Variants in GPX6 observed in about 807,000 individuals in gnomAD.
GPX6 encodes glutathione peroxidase 6 (olfactory).
GPX6 carries 21 observed loss-of-function variants against 20.0 expected under a neutral mutation model. That is an observed-to-expected ratio of 1.05 (90% CI 0.74 to 1.51). GPX6 has a LOEUF of 1.51. GPX6 is among the 40% of genes most tolerant of loss of function. GPX6 has a pLI of 0.00. For synonymous variants in GPX6, 75 were observed against 98.0 expected (o/e 0.77, Z 1.38); for missense variants, 233 against 254.7 (o/e 0.91, Z 0.58).
chr6:28,503,783 A>C lies in GPX6; in HGVS notation c.*509T>G, dbSNP rs35921765. The C allele has an allele frequency of 0.13, 19,487 of 153,684 alleles. 1,607 individuals carry two copies. The highest frequency in any genetic ancestry group is 0.42 in the East Asian group (2,182 of 5,164). The allele number at this position is 153,684 out of a possible 1,614,324, so 9.5% of individuals were successfully genotyped here. ...AGAATTAAGGAGAAAAGAGTTTAACAATGCATGCCTATCTTAGAGGAGAGA... is the reference window on the plus strand; with the variant it reads ...AGAATTAAGGAGAAAAGAGTTTAACCATGCATGCCTATCTTAGAGGAGAGA... On this transcript the variant is annotated 3_prime_UTR_variant, in exon 5 of 5. Coordinates refer to ENST00000361902, the MANE Select transcript of GPX6 (RefSeq NM_182701.1).
At position 28,506,292 on chromosome 6, in the gene GPX6, G is replaced by A; in HGVS notation, c.359+20C>T. 3 of 1,404,780 alleles carry A rather than the reference G, an allele frequency of 2.1e-6. No homozygotes were observed. Among genetic ancestry groups the A allele is most frequent in the Non-Finnish European group, 3.0e-6 (3 of 988,872 alleles). 87.0% of individuals were successfully genotyped at this position (1,404,780 alleles called of 1,614,324 possible). ...GGAAATCCCGACAGGGCATCTGCAGGGTCCCATGCAAGCACTCACTTGAGA... is the reference window on the plus strand; with the variant it reads ...GGAAATCCCGACAGGGCATCTGCAGAGTCCCATGCAAGCACTCACTTGAGA... On this transcript the variant is annotated intron_variant, in intron 3 of 4. Transcript: ENST00000361902.
In GPX6 at chr6:28,505,913, T is replaced by A. The variant is rs1054930012; in HGVS notation, c.360-111A>T. On this transcript the variant is annotated intron_variant, in intron 3 of 4. Coordinates refer to ENST00000361902, the MANE Select transcript of GPX6 (RefSeq NM_182701.1). ...GAAATTCAAGATAAAGGGAAGAGGC[T>A]GTGCACAGGGAAGATAAGAAAAGAT... 1.2e-5 allele frequency: 10 copies of A among 803,164 alleles called. No homozygotes were observed. In the Admixed American group the frequency reaches 1.4e-4, roughly 11 times the overall value. 49.8% of individuals were successfully genotyped at this position (803,164 alleles called of 1,614,324 possible). A position where few individuals can be genotyped will look rare whatever the true frequency, so the allele number is the denominator to read the frequency against.
intron 1 of GPX6, among the ~76,000 whole-genome samples, chr6:28,514,104 C>G (rs1384733192): frequency 1.3e-5 from 2 of 152,226 alleles, no homozygotes; most frequent in Admixed American, 1.3e-4. Context: ...TAAATAATTT[C>G]CAGCATTTGT....
intron 2 of GPX6, among the ~76,000 whole-genome samples, chr6:28,508,266 A>T (rs1488432294): frequency 1.3e-5 from 2 of 152,218 alleles, no homozygotes; most frequent in Non-Finnish European, 2.9e-5. Context: ...TATTTTTCAA[A>T]TTTAACTTTT....
At chr6:28,511,810 G>A (rs565432105) in intron 1 of GPX6, among the ~76,000 whole-genome samples, 39 of 152,372 alleles carry the variant, frequency 2.6e-4, no homozygotes, top group African/African-American at 8.4e-4. Flanking sequence ...GGCCGGAGCC[G>A]GCCCCCTCAG....
At chr6:28,509,734 C>G (rs1161095211) in intron 2 of GPX6, among the ~76,000 whole-genome samples, 1 of 152,204 alleles carries the variant, frequency 6.6e-6, no homozygotes, top group Non-Finnish European at 1.5e-5. Flanking sequence ...ATGCAAAACT[C>G]TTCTCCAATA....
intron 2 of GPX6, among the ~76,000 whole-genome samples, chr6:28,508,163 T>G (rs1762825349): frequency 6.6e-6 from 1 of 152,224 alleles, no homozygotes; most frequent in South Asian, 2.1e-4. Flanking sequence ...GTAGCAAATT[T>G]AAGTTAAAAT....
At chr6:28,507,297 C>T (rs1037199132) in intron 2 of GPX6, among the ~76,000 whole-genome samples, 10 of 152,188 alleles carry the variant, frequency 6.6e-5, no homozygotes, top group African/African-American at 2.2e-4. Context: ...TAGAGAGTGC[C>T]TTCCTGTTTT....
At position 28,515,555 on chromosome 6, in the gene GPX6, C is replaced by G. The variant is rs1763010007; in HGVS notation, c.87+102G>C. On this transcript the variant is annotated intron_variant, in intron 1 of 4. Coordinates refer to ENST00000361902, the MANE Select transcript of GPX6 (RefSeq NM_182701.1). ...GTGAAGAAGGGCTGGGAATGCAGAT[C>G]TTGTCCTTCGAAAGGGGAGAGTAGA... 4.9e-6 allele frequency: 4 copies of G among 810,522 alleles called. No individual in the cohort carries two copies. In the Admixed American group the frequency reaches 8.0e-5, roughly 16 times the overall value. 50.2% of individuals were successfully genotyped at this position (810,522 alleles called of 1,614,324 possible).
intron 4 of GPX6, among the ~76,000 whole-genome samples, 188 bp from the exon 5 acceptor site, chr6:28,504,686 C>G (rs2113596804): frequency 6.6e-6 from 1 of 152,216 alleles, no homozygotes; most frequent in Non-Finnish European, 1.5e-5. Context: ...CACCAACTAC[C>G]AAATAACCGA....
At chr6:28,512,738 A>G (rs1762914802) in intron 1 of GPX6, among the ~76,000 whole-genome samples, 1 of 152,182 alleles carries the variant, frequency 6.6e-6, no homozygotes, top group African/African-American at 2.4e-5. Context: ...TACAAGCTGT[A>G]ACACTCACCG....
intron 1 of GPX6, among the ~76,000 whole-genome samples, chr6:28,513,051 CACACTGGAAGGCCATTG>C (rs1201405552): frequency 6.6e-6 from 1 of 152,206 alleles, no homozygotes; most frequent in African/African-American, 2.4e-5. Context: ...ACAGTAGGAG[CACACTGGAAGGCCATTG>C]ACAGCGGAAG....
At chr6:28,509,065 A>G (rs1395996435) in intron 2 of GPX6, among the ~76,000 whole-genome samples, 10 of 152,204 alleles carry the variant, frequency 6.6e-5, no homozygotes, top group Non-Finnish European at 1.2e-4. Context: ...TCTTTTAGAC[A>G]TGAGATTACA....
At chr6:28,506,260 G>A (rs1286725661) in intron 3 of GPX6, 52 bp downstream of exon 3, 6 of 1,058,306 alleles carry the variant, frequency 5.7e-6, no homozygotes, top group East Asian at 4.7e-5. Flanking sequence ...TAGGTGGAAT[G>A]AGGAATGGAA....
chr6:28,506,215 G>T, intron 3 of GPX6, 97 bp downstream of exon 3: 2 of 774,246 alleles, frequency 2.6e-6, no homozygotes. Flanking sequence ...TGTATCTATG[G>T]CCTATCCCAG....
At chr6:28,512,934 T>G (rs1762927026) in intron 1 of GPX6, among the ~76,000 whole-genome samples, 1 of 151,832 alleles carries the variant, frequency 6.6e-6, no homozygotes, top group Admixed American at 6.6e-5. Context: ...AGGAACAAAC[T>G]CTGAACACAT....
rs1762857873 is a variant in GPX6, at chr6:28,510,838, C to A, written c.154G>T (p.Glu52Ter). 1 of 1,614,112 alleles carries A rather than the reference C, an allele frequency of 6.2e-7. No individual in the cohort carries two copies. Among genetic ancestry groups the A allele is most frequent in the East Asian group, 2.2e-5 (1 of 44,872 alleles). ...GCAAACTGCTTGAATTGGATGTACT[C>A]CTCGCCGTTGAGGGTGAGGGCTCCA... ...EYGALTLNGE[E>*]YIQFKQFAGK... Residue 52 changes from glutamate (E) to a stop codon, truncating the protein, a stop_gained, in exon 2 of 5, where the codon GAG becomes TAG. Coordinates refer to ENST00000361902, the MANE Select transcript of GPX6 (RefSeq NM_182701.1). LOFTEE classifies it high-confidence loss of function.
At chr6:28,514,124 T>C (rs1413974742) in intron 1 of GPX6, among the ~76,000 whole-genome samples, 1 of 152,252 alleles carries the variant, frequency 6.6e-6, no homozygotes, top group Non-Finnish European at 1.5e-5. Context: ...TCTTTCTTGC[T>C]ACTATAATAA....
chr6:28,504,546 A>C, intron 4 of GPX6, 48 bp from the exon 5 acceptor site: 1 of 1,516,142 alleles, frequency 6.6e-7, no homozygotes. Flanking sequence ...TTTCTACTTT[A>C]TTTCTACTTC....
Sources: gnomAD v4.1 joint callset for allele counts (sites outside exome capture counted in the v4.1 genomes callset) on GRCh38, gnomAD v4.1.1 for gene constraint, MANE v1.5 for transcripts, NCBI Gene and HGNC (gene_info 2026-07-23, HGNC 2026-07-21) for gene names.